Variants in MTHFD2L observed in about 807,000 individuals in gnomAD.
MTHFD2L encodes bifunctional methylenetetrahydrofolate dehydrogenase/cyclohydrolase 2, mitochondrial.
A neutral mutation model predicts 34.9 loss-of-function variants in MTHFD2L; 29 were observed. That is an observed-to-expected ratio of 0.83 (90% CI 0.62 to 1.13). The LOEUF is 1.13. MTHFD2L is among the 50% of genes most tolerant of loss of function. The pLI is 0.00. For missense variants in MTHFD2L, 481 were observed against 446.5 expected (o/e 1.08, Z -0.70); for synonymous variants, 167 against 155.7 (o/e 1.07, Z -0.54).
At chr4:74,170,200 C>T (rs1177970117) in intron 1 of MTHFD2L, among the ~76,000 whole-genome samples, 1 of 152,158 alleles carries the variant, frequency 6.6e-6, no homozygotes, top group Non-Finnish European at 1.5e-5. Context: ...ACAAACACCT[C>T]TTATGCATGT....
At chr4:74,281,715 C>T (rs1747510435) in intron 7 of MTHFD2L, among the ~76,000 whole-genome samples, 165 bp downstream of exon 7, 1 of 151,982 alleles carries the variant, frequency 6.6e-6, no homozygotes, top group South Asian at 2.1e-4. Flanking sequence ...TTTACTTTCT[C>T]CCTTCCTCTC....
chr4:74,299,056 G>A (rs1429343206), intron 7 of MTHFD2L, among the ~76,000 whole-genome samples: 2 of 151,698 alleles, frequency 1.3e-5, no homozygotes, highest in East Asian at 3.9e-4. Context: ...TAGTAGCTAT[G>A]GTTTTTACTA....
intron 7 of MTHFD2L, among the ~76,000 whole-genome samples, chr4:74,285,766 A>C (rs1288783760): frequency 6.6e-6 from 1 of 152,168 alleles, no homozygotes; most frequent in Non-Finnish European, 1.5e-5. Flanking sequence ...GTCTTACACT[A>C]CTGTGAAAAC....
chr4:74,135,695 A>ATT (rs34474385), intron 1 of MTHFD2L, among the ~76,000 whole-genome samples: 92 of 150,020 alleles, frequency 6.1e-4, no homozygotes, highest in Admixed American at 1.4e-3. Flanking sequence ...ACAAGGACAC[A>ATT]TTTTTTTTTT....
At chr4:74,275,171 C>G (rs552026694) in intron 6 of MTHFD2L, among the ~76,000 whole-genome samples, 1 of 152,186 alleles carries the variant, frequency 6.6e-6, no homozygotes, top group South Asian at 2.1e-4. Flanking sequence ...TGTTCAACTC[C>G]CACTTATGAA....
intron 1 of MTHFD2L, among the ~76,000 whole-genome samples, chr4:74,150,327 C>T (rs988776013): frequency 2.0e-5 from 3 of 152,200 alleles, no homozygotes; most frequent in African/African-American, 7.2e-5. Context: ...GATCTCAGCT[C>T]ACTGCAACTT....
chr4:74,117,408 C>T (rs1005796810), intron 2 of MTHFD2L, among the ~76,000 whole-genome samples: 1 of 152,166 alleles, frequency 6.6e-6, no homozygotes, highest in African/African-American at 2.4e-5. Context: ...AGAAAAGGTA[C>T]AGTGGGTTTT....
In MTHFD2L at chr4:74,162,370, ATCTGAACGC is replaced by A. The variant is rs559451492; in HGVS notation, c.143+4091_143+4099del. The A allele has an allele frequency of 5.3e-5, 8 of 152,286 alleles. No individual in the cohort carries two copies. The East Asian group carries it at 1.5e-3, about 29-fold the overall frequency. 9.4% of individuals were successfully genotyped at this position (152,286 alleles called of 1,614,324 possible). On this transcript the variant is annotated intron_variant, in intron 1 of 7. Transcript: ENST00000325278. Reference sequence around the variant, plus strand: ...ACCAACCAGGTTTGTTCACTGCATCATCTGAACGCTATGTAGGTTTCTATAATTAGGCTC... The same window carrying A: ...ACCAACCAGGTTTGTTCACTGCATCATATGTAGGTTTCTATAATTAGGCTC...
At chr4:74,226,602 C>A (rs996191979) in intron 6 of MTHFD2L, among the ~76,000 whole-genome samples, 1 of 152,074 alleles carries the variant, frequency 6.6e-6, no homozygotes, top group Non-Finnish European at 1.5e-5. Context: ...ATGGATAATT[C>A]ACTTACAGAT....
intron 5 of MTHFD2L, among the ~76,000 whole-genome samples, chr4:74,222,544 A>G (rs375295605): frequency 2.0e-5 from 3 of 152,090 alleles, no homozygotes; most frequent in Non-Finnish European, 4.4e-5. Flanking sequence ...TATTGTTACA[A>G]TTGCAATTCC....
At chr4:74,227,187 C>G (rs1578538352) in intron 6 of MTHFD2L, among the ~76,000 whole-genome samples, 1 of 152,268 alleles carries the variant, frequency 6.6e-6, no homozygotes, top group East Asian at 1.9e-4. Context: ...CTTCTCTACT[C>G]TTTTCCACTT....
intron 1 of MTHFD2L, among the ~76,000 whole-genome samples, chr4:74,148,650 A>G (rs921951332): frequency 2.7e-5 from 4 of 146,824 alleles, no homozygotes; most frequent in East Asian, 1.9e-4. Flanking sequence ...TAGTCCCTTA[A>G]TATTCCATAT....
At chr4:74,271,887 T>G (rs552104855) in intron 6 of MTHFD2L, among the ~76,000 whole-genome samples, 1 of 152,172 alleles carries the variant, frequency 6.6e-6, no homozygotes, top group Non-Finnish European at 1.5e-5. Context: ...GTCTTTCACA[T>G]CCCTTGTAAG....
intron 6 of MTHFD2L, among the ~76,000 whole-genome samples, chr4:74,242,732 G>A (rs1185403223): frequency 1.3e-5 from 2 of 152,196 alleles, no homozygotes; most frequent in African/African-American, 4.8e-5. Context: ...TCAAGTGTAA[G>A]TGTTAACATA....
At chr4:74,238,526 A>C (rs953099431) in intron 6 of MTHFD2L, among the ~76,000 whole-genome samples, 2 of 152,206 alleles carry the variant, frequency 1.3e-5, no homozygotes, top group African/African-American at 4.8e-5. Context: ...CTGCACAGCG[A>C]AAGACACTGT....
chr4:74,176,018 T>G (rs943916726), intron 3 of MTHFD2L, among the ~76,000 whole-genome samples: 6 of 152,100 alleles, frequency 3.9e-5, no homozygotes, highest in Non-Finnish European at 8.8e-5. Flanking sequence ...GCTCCCAGTA[T>G]TTTGTCTATT....
chr4:74,178,698 A>G lies in MTHFD2L; in HGVS notation c.451+3295A>G, dbSNP rs543939222. ...AGCCAATAATGCCAAAATTGTGGCT[A>G]ACATTTATTACATTATGACACTTTT... On this transcript the variant is annotated intron_variant, in intron 3 of 7. Coordinates refer to ENST00000325278, the MANE Select transcript of MTHFD2L (RefSeq NM_001144978.3). Among the ~76,000 whole-genome samples, 11 of 152,262 alleles carry G rather than the reference A, an allele frequency of 7.2e-5. No individual in the cohort carries two copies. In the East Asian group the frequency reaches 1.7e-3, roughly 24 times the overall value.
At position 74,147,923 on chromosome 4, in the gene MTHFD2L, TATATAATTTGCAA is replaced by T. The variant is rs1245144138; in HGVS notation, c.-296-12127_-296-12115del. Among the ~76,000 whole-genome samples, 12 of 152,310 alleles carry T rather than the reference TATATAATTTGCAA, an allele frequency of 7.9e-5. No homozygotes were observed. The East Asian group carries it at 1.7e-3, about 22-fold the overall frequency. The stretch of plus-strand genomic sequence containing the variant: ...TTCTGAATATTAACCTTTTATCAAA[TATATAATTTGCAA>T]ATATTTTTTCCTGTTCTCTTGATTG... On this transcript the variant is annotated intron_variant, in intron 1 of 7. Transcript: ENST00000433372.
At chr4:74,242,171 TTTAA>T (rs1394092509) in intron 6 of MTHFD2L, 5 of 142,762 alleles carry the variant, frequency 3.5e-5, no homozygotes, top group African/African-American at 1.0e-4. Flanking sequence ...AAAATGACAA[TTTAA>T]TTAAAGCATA....
Sources: gnomAD v4.1 joint callset for allele counts (sites outside exome capture counted in the v4.1 genomes callset) on GRCh38, gnomAD v4.1.1 for gene constraint, MANE v1.5 for transcripts, NCBI Gene and HGNC (gene_info 2026-07-23, HGNC 2026-07-21) for gene names.